SEC61G: variants seen among roughly 807,000 people sequenced by gnomAD.
The protein encoded by SEC61G is SEC61 translocon subunit gamma.
A neutral mutation model predicts 7.5 loss-of-function variants in SEC61G; 4 were observed. The observed-to-expected ratio is 0.54, with a 90% CI of 0.26 to 1.22. The LOEUF is 1.22. SEC61G is among the 50% of genes most tolerant of loss of function. SEC61G has a pLI of 0.12. For missense variants in SEC61G, 53 were observed against 84.6 expected (o/e 0.63, Z 1.46); for synonymous variants, 24 against 24.4 (o/e 0.98, Z 0.05).
At chr7:54,753,375 T>C (rs1383283061) in intron 3 of SEC61G, among the ~76,000 whole-genome samples, 4 of 152,176 alleles carry the variant, frequency 2.6e-5, no homozygotes, top group Admixed American at 6.5e-5. Flanking sequence ...TGCTATTAAA[T>C]AGTATTGCTA....
chr7:54,755,680 G>A (rs1346512163), intron 3 of SEC61G, 99 bp downstream of exon 3: 1 of 561,396 alleles, frequency 1.8e-6, no homozygotes, highest in Non-Finnish European at 3.0e-6. Context: ...GCACTAAAAA[G>A]TCAAGAGATG....
At chr7:54,755,470 T>C (rs993628222) in intron 3 of SEC61G, 1 of 184,476 alleles carries the variant, frequency 5.4e-6, no homozygotes, top group Admixed American at 6.1e-5. Flanking sequence ...CATTAGAAAT[T>C]AACAAGGTAA....
rs75396965 is a variant in SEC61G, at chr7:54,753,637, T to C, written c.198-1217A>G. ...ACATGAGAAAAGAGTAAGTTTTCTG[T>C]AGTGTCTCTCACAAAATGTTTTAAT... On this transcript the variant is annotated intron_variant, in intron 3 of 3. Transcript: ENST00000352861. Among the ~76,000 whole-genome samples the C allele has an allele frequency of 3.1e-3, 477 of 152,322 alleles. 5 individuals carry two copies. Among genetic ancestry groups the C allele is most frequent in the African/African-American group, 0.011 (464 of 41,576 alleles).
chr7:54,756,881 G>A (rs1791524871), intron 2 of SEC61G, among the ~76,000 whole-genome samples: 1 of 149,788 alleles, frequency 6.7e-6, no homozygotes, highest in Non-Finnish European at 1.5e-5. Flanking sequence ...CTCCATGACA[G>A]CAAGGACTAT....
intron 3 of SEC61G, among the ~76,000 whole-genome samples, chr7:54,753,303 G>A (rs1791448770): frequency 6.6e-6 from 1 of 151,846 alleles, no homozygotes. Context: ...AAAAAAAAGA[G>A]AAAATTATTA....
intron 2 of SEC61G, 106 bp from the exon 3 acceptor site, chr7:54,755,987 T>G (rs1791506210): frequency 2.0e-6 from 1 of 502,476 alleles, no homozygotes; most frequent in Admixed American, 3.7e-5. Context: ...ACATTTCTCC[T>G]GTTAATAGAT....
intron 1 of SEC61G, among the ~76,000 whole-genome samples, chr7:54,757,969 C>T (rs141124218): frequency 6.6e-6 from 1 of 152,142 alleles, no homozygotes; most frequent in Non-Finnish European, 1.5e-5. Context: ...GTCCCCTCAC[C>T]GCTCCTAAGG....
rs747650328 is a variant in SEC61G, at chr7:54,757,614, T to C, written c.-6-20A>G. ...GACTGCCTGTTTAAAACAAAAAAGA[T>C]ACTCACTGGTATTGGTTCTCATACA... On this transcript the variant is annotated intron_variant, in intron 1 of 3. Transcript: ENST00000352861. 1 of 1,590,364 alleles carries C rather than the reference T, an allele frequency of 6.3e-7. No individual in the cohort carries two copies. The highest frequency in any genetic ancestry group is 2.2e-5 in the East Asian group (1 of 44,776).
At chr7:54,754,829 C>A (rs1470338771) in intron 3 of SEC61G, 1 of 152,102 alleles carries the variant, frequency 6.6e-6, no homozygotes, top group Non-Finnish European at 1.5e-5. Context: ...CCATCACCAT[C>A]AGAAAAGGCA....
chr7:54,756,105 A>C (rs111888249), intron 2 of SEC61G, among the ~76,000 whole-genome samples: 2 of 152,222 alleles, frequency 1.3e-5, no homozygotes, highest in African/African-American at 4.8e-5. Flanking sequence ...ATAATAATGC[A>C]TATCTGTCCT....
intron 3 of SEC61G, chr7:54,754,945 A>G (rs991608114): frequency 4.6e-5 from 7 of 152,170 alleles, no homozygotes. Context: ...AATAGATTTT[A>G]TTACCTCCAA....
At chr7:54,756,974 C>CTA (rs1554347140) in intron 2 of SEC61G, among the ~76,000 whole-genome samples, 1 of 96,852 alleles carries the variant, frequency 1.0e-5, no homozygotes, top group African/African-American at 2.9e-5. Flanking sequence ...ACTATATATA[C>CTA]TATATACTAT....
chr7:54,756,080 T>C (rs1791508097), intron 2 of SEC61G, among the ~76,000 whole-genome samples, 199 bp from the exon 3 acceptor site: 1 of 152,224 alleles, frequency 6.6e-6, no homozygotes, highest in Admixed American at 6.5e-5. Flanking sequence ...GTTTTGTTGA[T>C]ATTTAAGGAA....
rs1199743334 is a variant in SEC61G at position 54,757,497 on chromosome 7, T to C, written c.92A>G (p.Lys31Arg). The change falls in exon 2 of 4, where the codon AAA becomes AGA. Residue 31 changes from lysine (K) to arginine (R), a missense_variant and splice_region_variant. Coordinates refer to ENST00000352861, the MANE Select transcript of SEC61G (RefSeq NM_014302.4). Reference protein sequence around the residue: ...LVKRCTKPDRKEFQKIAMATA... With the variant: ...LVKRCTKPDRREFQKIAMATA... ...TTCTCTCATAGTCAAGCAATTACCT[T>C]TTCTATCAGGTTTAGTGCATCTTTT... The C allele has an allele frequency of 3.7e-6, 6 of 1,613,134 alleles. No homozygotes were observed. Among genetic ancestry groups the C allele is most frequent in the Middle Eastern group, 1.7e-4 (1 of 6,052 alleles).
chr7:54,757,635 A>T, intron 1 of SEC61G, 41 bp from the exon 2 acceptor site: 2 of 1,509,424 alleles, frequency 1.3e-6, no homozygotes, highest in East Asian at 2.3e-5. Flanking sequence ...ATTGGTTCTC[A>T]TACAATAAGC....
At chr7:54,758,577 C>T (rs952869069) in intron 1 of SEC61G, among the ~76,000 whole-genome samples, 20 of 152,330 alleles carry the variant, frequency 1.3e-4, no homozygotes, top group African/African-American at 4.3e-4. Flanking sequence ...TTTCACTCAA[C>T]TTTGCTCTTG....
Position 54,752,290 on chromosome 7 carries a change from A to G in SEC61G, c.*121T>C. ...TTACTTTAATTTAGAAATAGAAAAC[A>G]TCTTGAAAGGAAAAAAAAAAACCCA... On this transcript the variant is annotated 3_prime_UTR_variant, in exon 4 of 4. Coordinates refer to ENST00000352861, the MANE Select transcript of SEC61G (RefSeq NM_014302.4). 1.7e-6 allele frequency: 1 copy of G among 572,558 alleles called. No individual in the cohort carries two copies. The highest frequency in any genetic ancestry group is 3.5e-5 in the South Asian group (1 of 28,310). The allele number at this position is 572,558 out of a possible 1,614,324, so 35.5% of individuals were successfully genotyped here.
chr7:54,752,343 G>T lies in SEC61G; in HGVS notation c.*68C>A. On this transcript the variant is annotated 3_prime_UTR_variant, in exon 4 of 4. Transcript: ENST00000352861. ...AAACATACAGGCAAATTTGTATTCT[G>T]TGAGTTTCTCACACCCTCACACTTG... 9.3e-7 allele frequency: 1 copy of T among 1,077,672 alleles called. No individual in the cohort carries two copies. The highest frequency in any genetic ancestry group is 1.3e-6 in the Non-Finnish European group (1 of 756,012). 66.8% of individuals were successfully genotyped at this position (1,077,672 alleles called of 1,614,324 possible). A position where few individuals can be genotyped will look rare whatever the true frequency, so the allele number is the denominator to read the frequency against.
intron 3 of SEC61G, among the ~76,000 whole-genome samples, chr7:54,753,828 C>T (rs1791457874): frequency 6.6e-6 from 1 of 152,136 alleles, no homozygotes. Flanking sequence ...GATTACTTAG[C>T]CTCCCCATGC....
Sources: gnomAD v4.1 joint callset for allele counts (sites outside exome capture counted in the v4.1 genomes callset) on GRCh38, gnomAD v4.1.1 for gene constraint, MANE v1.5 for transcripts, NCBI Gene and HGNC (gene_info 2026-07-23, HGNC 2026-07-21) for gene names.